Variants in ALDH9A1 observed in about 807,000 individuals in gnomAD.
ALDH9A1 encodes 4-trimethylaminobutyraldehyde dehydrogenase.
In ALDH9A1, 42 loss-of-function variants were observed where a neutral mutation model predicts 56.6. The observed-to-expected ratio is 0.74, with a 90% confidence interval of 0.58 to 0.96. The LOEUF is 0.96. Ranked by LOEUF, ALDH9A1 falls within the 40% of genes least tolerant of loss-of-function variation. ALDH9A1 has a pLI of 0.00. For missense variants in ALDH9A1, 661 were observed against 651.5 expected, an observed-to-expected ratio of 1.01 and a Z score of -0.16; for synonymous variants, 242 against 236.0, an observed-to-expected ratio of 1.03 and a Z score of -0.23.
chr1:165,678,467 G>T (rs1027425279), intron 6 of ALDH9A1, among the ~76,000 whole-genome samples: 1 of 152,188 alleles, frequency 6.6e-6, no homozygotes, highest in Admixed American at 6.5e-5. Context: ...ACAAACAGGG[G>T]TGAAGGGCAA....
chr1:165,676,197 C>T (rs1284797588), intron 6 of ALDH9A1: 1 of 153,814 alleles, frequency 6.5e-6, no homozygotes, highest in African/African-American at 2.4e-5. Context: ...AGCAATGATA[C>T]ACCAGTAGCA....
rs1367037740 is a variant in ALDH9A1, at chr1:165,663,164, T to A, written c.1463-20A>T. 1 of 1,598,622 alleles carries A rather than the reference T, an allele frequency of 6.3e-7. No homozygotes were observed. Among genetic ancestry groups the A allele is most frequent in the Non-Finnish European group, 8.6e-7 (1 of 1,166,172 alleles). On this transcript the variant is annotated intron_variant, in intron 10 of 10. Transcript: ENST00000354775. ...CAAATCCTGAAAGGAGGAGAAGGGG[T>A]CAGGTTGAGCCATCACTACAATAGT... is the stretch of plus-strand genomic sequence containing the variant.
intron 6 of ALDH9A1, among the ~76,000 whole-genome samples, chr1:165,679,159 T>C (rs1194736007): frequency 6.6e-6 from 1 of 152,204 alleles, no homozygotes; most frequent in Non-Finnish European, 1.5e-5. Context: ...TTAGGAACTT[T>C]ATATTTAGAG....
At chr1:165,682,630 A>G (rs1343375980) in intron 3 of ALDH9A1, among the ~76,000 whole-genome samples, 8 of 152,204 alleles carry the variant, frequency 5.3e-5, no homozygotes. Flanking sequence ...CAATTGTTGA[A>G]AACTTTATAC....
intron 1 of ALDH9A1, chr1:165,698,113 G>A: frequency 6.3e-6 from 5 of 799,846 alleles, no homozygotes; most frequent in Non-Finnish European, 8.6e-6. Flanking sequence ...CCAGTACTTT[G>A]CGAACTCTGT....
intron 10 of ALDH9A1, among the ~76,000 whole-genome samples, chr1:165,664,138 C>T (rs776876982): frequency 7.2e-5 from 11 of 152,092 alleles, no homozygotes; most frequent in African/African-American, 2.2e-4. Flanking sequence ...AGTACCCCAC[C>T]GGGACAAATA....
At chr1:165,667,154 C>T (rs1361800402) in intron 9 of ALDH9A1, among the ~76,000 whole-genome samples, 155 bp downstream of exon 9, 1 of 151,270 alleles carries the variant, frequency 6.6e-6, no homozygotes, top group African/African-American at 2.4e-5. Context: ...CAAAATGCTG[C>T]TTTGGTGTCT....
intron 6 of ALDH9A1, chr1:165,676,486 A>G: frequency 3.6e-6 from 1 of 275,844 alleles, no homozygotes; most frequent in Non-Finnish European, 6.9e-6. Flanking sequence ...TACCTGGGAA[A>G]AACTGGAAGA....
Position 165,666,327 on chromosome 1 carries a change from TG to T in ALDH9A1, c.1349+981del, listed in dbSNP as rs1016196341. Among the ~76,000 whole-genome samples the T allele has an allele frequency of 4.1e-4, 63 of 152,264 alleles. 1 individual carries two copies. Among genetic ancestry groups the T allele is most frequent in the African/African-American group, 1.5e-3 (62 of 41,542 alleles). On this transcript the variant is annotated intron_variant, in intron 9 of 10. Coordinates refer to ENST00000354775, the MANE Select transcript of ALDH9A1 (RefSeq NM_000696.4). ...ATGAAAGTGTCCTAAAAATAGATTA[TG>T]GTGATGGTTGCACAACTCCATGAAT...
In ALDH9A1 at chr1:165,665,277, G is replaced by A. The variant is rs1396023906; in HGVS notation, c.1350-147C>T. 4.5e-6 allele frequency: 3 copies of A among 660,532 alleles called. No homozygotes were observed. The Admixed American group carries it at 8.3e-5, about 18-fold the overall frequency. The allele number at this position is 660,532 out of a possible 1,614,324, so 40.9% of individuals were successfully genotyped here. A position where few individuals can be genotyped will look rare whatever the true frequency, so the allele number is the denominator to read the frequency against. Reference sequence around the variant, plus strand: ...TGTTTTAAAATCTTTTATCATCCAGGCAAAACAGATATGGATTGGGTTTTA... The same window carrying A: ...TGTTTTAAAATCTTTTATCATCCAGACAAAACAGATATGGATTGGGTTTTA... On this transcript the variant is annotated intron_variant, in intron 9 of 10. Coordinates refer to ENST00000354775, the MANE Select transcript of ALDH9A1 (RefSeq NM_000696.4).
chr1:165,669,012 C>G lies in ALDH9A1; in HGVS notation c.1121G>C (p.Gly374Ala), dbSNP rs1405698159. 6.3e-7 allele frequency: 1 copy of G among 1,590,682 alleles called. No individual in the cohort carries two copies. The highest frequency in any genetic ancestry group is 8.5e-7 in the Non-Finnish European group (1 of 1,172,288). ...ATCTCCACCACATAACACTTTAGCA[C>G]CCTGCCGAAAAGGAAAAAAGATATG... ...LGFVKVAKEQ[G>A]AKVLCGGDIY... Residue 374 changes from glycine (G) to alanine (A), a missense_variant and splice_region_variant, in exon 8 of 11, where the codon GGT (glycine) becomes GCT (alanine). Transcript: ENST00000354775.
chr1:165,687,937 G>A (rs1381558157), intron 2 of ALDH9A1, among the ~76,000 whole-genome samples: 3 of 151,726 alleles, frequency 2.0e-5, no homozygotes, highest in African/African-American at 4.8e-5. Context: ...GCAGTGAGCC[G>A]AGATCATGCC....
intron 3 of ALDH9A1, 127 bp from the exon 4 acceptor site, chr1:165,682,368 C>T: frequency 1.0e-6 from 1 of 987,386 alleles, no homozygotes. Flanking sequence ...ACACCAGGCT[C>T]ACCCTGTCTC....
intron 10 of ALDH9A1, among the ~76,000 whole-genome samples, chr1:165,664,406 G>C (rs1175003765): frequency 6.6e-6 from 1 of 152,154 alleles, no homozygotes; most frequent in Non-Finnish European, 1.5e-5. Context: ...ACCTTCTCCT[G>C]ATATACCAGA....
chr1:165,688,041 G>T (rs1033997562), intron 2 of ALDH9A1, among the ~76,000 whole-genome samples: 1 of 151,760 alleles, frequency 6.6e-6, no homozygotes, highest in Admixed American at 6.6e-5. Context: ...TCTAGGCTGG[G>T]TACAGTGGCA....
chr1:165,684,947 T>C (rs796579951), intron 2 of ALDH9A1, among the ~76,000 whole-genome samples: 1 of 152,154 alleles, frequency 6.6e-6, no homozygotes, highest in African/African-American at 2.4e-5. Context: ...GTTAATTAGA[T>C]GGCCTTGGGA....
intron 6 of ALDH9A1, chr1:165,676,528 C>A (rs977588652): frequency 2.1e-5 from 6 of 284,158 alleles, no homozygotes; most frequent in Non-Finnish European, 6.7e-6. Context: ...GTTGTTGGCA[C>A]TGCTGTAAAC....
At chr1:165,668,881 G>T in intron 8 of ALDH9A1, 45 bp downstream of exon 8, 1 of 1,342,878 alleles carries the variant, frequency 7.4e-7, no homozygotes, top group Non-Finnish European at 1.1e-6. Flanking sequence ...TATCTATTCA[G>T]TATTTAATTC....
intron 6 of ALDH9A1, among the ~76,000 whole-genome samples, chr1:165,673,301 C>G (rs148678296): frequency 6.6e-6 from 1 of 152,124 alleles, no homozygotes; most frequent in Non-Finnish European, 1.5e-5. Flanking sequence ...TAAAAGATAA[C>G]AAGTGTTGGT....
Sources: gnomAD v4.1 joint callset for allele counts (sites outside exome capture counted in the v4.1 genomes callset) on GRCh38, gnomAD v4.1.1 for gene constraint, MANE v1.5 for transcripts, NCBI Gene and HGNC (gene_info 2026-07-23, HGNC 2026-07-21) for gene names.